The following ULK1 variants were observed in gnomAD, a reference collection of about 807,000 sequenced individuals.
ULK1 encodes unc-51 like autophagy activating kinase 1.
Under a neutral mutation model 117.5 loss-of-function variants are expected in ULK1, and 48 were observed. The ratio of observed to expected loss-of-function variants is 0.41; its 90% confidence interval spans 0.32 to 0.52. ULK1 has a LOEUF of 0.52. Ranked by LOEUF, ULK1 falls within the 20% of genes least tolerant of loss-of-function variation. ULK1 has a pLI of 0.29. For synonymous variants in ULK1, 790 were observed against 637.8 expected (o/e 1.24, Z -3.60); for missense variants, 1,387 against 1,473.4 (o/e 0.94, Z 0.96).
intron 19 of ULK1, 58 bp from the exon 20 acceptor site, chr12:131,916,340 C>A: frequency 2.0e-6 from 3 of 1,524,708 alleles, no homozygotes; most frequent in Non-Finnish European, 2.6e-6. Context: ...TCCCCAGGCA[C>A]CGGGCCCCAG....
At chr12:131,917,633 C>T (rs1247688776) in intron 22 of ULK1, 79 bp downstream of exon 22, 6 of 1,275,686 alleles carry the variant, frequency 4.7e-6, no homozygotes, top group Non-Finnish European at 6.0e-6. Context: ...TCCTTTAACT[C>T]GGGTCACTGG....
intron 22 of ULK1, chr12:131,918,168 C>T: frequency 2.3e-6 from 1 of 428,764 alleles, no homozygotes; most frequent in Non-Finnish European, 4.2e-6. Flanking sequence ...CCAAGCCACG[C>T]ACCTACCCCA....
rs756408897 is a variant in ULK1, at chr12:131,909,901, A to C, written c.726-18A>C. On this transcript the variant is annotated intron_variant, in intron 9 of 27. Coordinates refer to ENST00000321867, the MANE Select transcript of ULK1 (RefSeq NM_003565.4). ...CGGCCCCGCAGGCCCTGCTCACACC[A>C]GCCTCCTCTTGCCCCAGCATCCCCC... 1 of 1,611,294 alleles carries C rather than the reference A, an allele frequency of 6.2e-7. No individual in the cohort carries two copies. Among genetic ancestry groups the C allele is most frequent in the South Asian group, 1.1e-5 (1 of 90,972 alleles).
chr12:131,918,251 G>T, intron 22 of ULK1: 1 of 567,876 alleles, frequency 1.8e-6, no homozygotes, highest in Non-Finnish European at 3.1e-6. Flanking sequence ...AGGGTCCCTT[G>T]GTGGGCACCG....
At position 131,916,316 on chromosome 12, in the gene ULK1, C is replaced by T. The variant is rs764828596; in HGVS notation, c.1879-82C>T. The T allele has an allele frequency of 4.3e-4, 656 of 1,514,802 alleles. 1 individual carries two copies. Among genetic ancestry groups the T allele is most frequent in the African/African-American group, 1.0e-3 (73 of 71,756 alleles). The allele number at this position is 1,514,802 out of a possible 1,614,324, so 93.8% of individuals were successfully genotyped here. A position where few individuals can be genotyped will look rare whatever the true frequency, so the allele number is the denominator to read the frequency against. ...GCTCCCACATGCCTGCCAGTTCCTGCGGACTCGGCCCCTTCCCCAGGCACC... is the reference window on the plus strand; with the variant it reads ...GCTCCCACATGCCTGCCAGTTCCTGTGGACTCGGCCCCTTCCCCAGGCACC... On this transcript the variant is annotated intron_variant, in intron 19 of 27. Coordinates refer to ENST00000321867, the MANE Select transcript of ULK1 (RefSeq NM_003565.4).
In ULK1 at chr12:131,917,404, C is replaced by T. The variant is rs368391245; in HGVS notation, c.2183-7C>T. On this transcript the variant is annotated splice_polypyrimidine_tract_variant and splice_region_variant and intron_variant, in intron 21 of 27. Transcript: ENST00000321867. The stretch of plus-strand genomic sequence containing the variant: ...GGATGCTCCTGAGCCCTTCCTTGCT[C>T]TCCCAGCACCCTCAGCTGGCTTTGG... 1.3e-6 allele frequency: 2 copies of T among 1,499,180 alleles called. No individual in the cohort carries two copies. The highest frequency in any genetic ancestry group is 1.4e-5 in the African/African-American group (1 of 70,210). 92.9% of individuals were successfully genotyped at this position (1,499,180 alleles called of 1,614,324 possible). A position where few individuals can be genotyped will look rare whatever the true frequency, so the allele number is the denominator to read the frequency against.
Position 131,895,118 on chromosome 12 carries a change from G to T in ULK1, c.111+6G>T, listed in dbSNP as rs764645845. 1 of 1,526,784 alleles carries T rather than the reference G, an allele frequency of 6.5e-7. No individual in the cohort carries two copies. 94.6% of individuals were successfully genotyped at this position (1,526,784 alleles called of 1,614,324 possible). On this transcript the variant is annotated splice_donor_region_variant and intron_variant, in intron 1 of 27. Coordinates refer to ENST00000321867, the MANE Select transcript of ULK1 (RefSeq NM_003565.4). Reference sequence around the variant, plus strand: ...TCAAGGGCCGCCACCGCGAGGTGAGGCCCCCGTCCGGCCCGGGATCCCCCG... The same window carrying T: ...TCAAGGGCCGCCACCGCGAGGTGAGTCCCCCGTCCGGCCCGGGATCCCCCG...
intron 3 of ULK1, among the ~76,000 whole-genome samples, chr12:131,906,143 G>T (rs548972686): frequency 1.3e-5 from 2 of 152,268 alleles, no homozygotes; most frequent in East Asian, 3.9e-4. Flanking sequence ...GCCCAGGCTG[G>T]AGTGCAGTGG....
In ULK1 at chr12:131,914,370, C is replaced by G. The variant is rs145710836; in HGVS notation, c.1266C>G (p.Ser422=). ...ACCACAGCCGGGCTGGCCCGTTCTC[C>G]AGCAGCAGGTGCGGCGCCTCTGTCC... ...PSPSGRAGPF[S]SSRCGASVPI... The change falls in exon 16 of 28, where the codon TCC becomes TCG. Residue 422 remains serine (S), a synonymous_variant. Transcript: ENST00000321867. 1 of 1,611,816 alleles carries G rather than the reference C, an allele frequency of 6.2e-7. No individual in the cohort carries two copies.
chr12:131,918,137 G>T (rs925118745), intron 22 of ULK1, among the ~76,000 whole-genome samples: 1 of 152,192 alleles, frequency 6.6e-6, no homozygotes, highest in Non-Finnish European at 1.5e-5. Context: ...CTTGGGCCCA[G>T]CTGTGGGGCA....
At chr12:131,895,862 TG>T (rs1740994581) in intron 3 of ULK1, 38 bp downstream of exon 3, 7 of 1,612,666 alleles carry the variant, frequency 4.3e-6, no homozygotes, top group Non-Finnish European at 5.9e-6. Flanking sequence ...GGGACCGGGC[TG>T]GGGGACTGTG....
Position 131,916,574 on chromosome 12 carries a change from C to T in ULK1, c.2055C>T (p.Pro685=), listed in dbSNP as rs763921714. The change falls in exon 20 of 28, where the codon CCC becomes CCT. Residue 685 remains proline, a synonymous_variant. Transcript: ENST00000321867. ...LGPGLRPGED[P]KGPFGRSFST... is the part of the protein sequence containing the mutation. ...CTGGCCTGCGGCCAGGCGAGGACCCCAAGGGCCCCTTTGGCCGGTGAGTTG... is the reference window on the plus strand; with the variant it reads ...CTGGCCTGCGGCCAGGCGAGGACCCTAAGGGCCCCTTTGGCCGGTGAGTTG... 6.3e-7 allele frequency: 1 copy of T among 1,584,866 alleles called. No individual in the cohort carries two copies. Among genetic ancestry groups the T allele is most frequent in the Non-Finnish European group, 8.5e-7 (1 of 1,171,180 alleles).
rs569526446 is a variant in ULK1 at position 131,917,452 on chromosome 12, C to G, written c.2224C>G (p.Arg742Gly). The change falls in exon 22 of 28, where the codon CGT becomes GGT. Residue 742 changes from arginine to glycine, a missense_variant. Physicochemically the swap from Arg to Gly is moderately radical, Grantham distance 125. Around this residue, in one of 4 missense-constraint regions of ULK1, gnomAD observed 900 missense variants for 858.9 expected, o/e 1.05. Transcript: ENST00000321867. The stretch of plus-strand genomic sequence containing the variant: ...TGGAGGGAGCCTGCACCCAGGAGCC[C>G]GTGCTGGGGGCACCAGCAGCCCTTC... Reference protein sequence around the residue: ...GFGGSLHPGARAGGTSSPSPV... With the variant: ...GFGGSLHPGAGAGGTSSPSPV... 10 of 1,531,394 alleles carry G rather than the reference C, an allele frequency of 6.5e-6. No individual in the cohort carries two copies. The highest frequency in any genetic ancestry group is 6.1e-5 in the South Asian group (5 of 81,648). The allele number at this position is 1,531,394 out of a possible 1,614,324, so 94.9% of individuals were successfully genotyped here.
chr12:131,922,320 C>T lies in ULK1; in HGVS notation c.*959C>T, dbSNP rs760757302. 3.1e-5 allele frequency: 10 copies of T among 323,686 alleles called. No homozygotes were observed. Among genetic ancestry groups the T allele is most frequent in the Non-Finnish European group, 3.1e-5 (5 of 163,352 alleles). 20.1% of individuals were successfully genotyped at this position (323,686 alleles called of 1,614,324 possible). A position where few individuals can be genotyped will look rare whatever the true frequency, so the allele number is the denominator to read the frequency against. On this transcript the variant is annotated 3_prime_UTR_variant, in exon 28 of 28. Coordinates refer to ENST00000321867, the MANE Select transcript of ULK1 (RefSeq NM_003565.4). ...ACCTGTGTTGGTGGCTGTCCCCTGC[C>T]GCCCCTCCCTGTGGCAGCAGCAGGA...
At chr12:131,919,669 C>A in intron 25 of ULK1, 79 bp downstream of exon 25, 1 of 1,480,144 alleles carries the variant, frequency 6.8e-7, no homozygotes, top group South Asian at 1.2e-5. Flanking sequence ...GACAGGGTAA[C>A]AGGGAGGCTG....
At chr12:131,898,414 C>T (rs1294451449) in intron 3 of ULK1, among the ~76,000 whole-genome samples, 1 of 152,186 alleles carries the variant, frequency 6.6e-6, no homozygotes, top group Non-Finnish European at 1.5e-5. Context: ...AAGCATGTGT[C>T]TCCCTAGGTC....
In ULK1 at chr12:131,895,102, G is replaced by A; in HGVS notation, c.101G>A (p.Arg34His). The change falls in exon 1 of 28, where the codon CGC (arginine) becomes CAC (histidine). Residue 34 changes from arginine (R) to histidine (H), a missense_variant. Physicochemically the swap from Arg to His is conservative, Grantham distance 29 (BLOSUM62 0). Coordinates refer to ENST00000321867, the MANE Select transcript of ULK1 (RefSeq NM_003565.4). ...GCCTTCGCGGTGGTCTTCAAGGGCC[G>A]CCACCGCGAGGTGAGGCCCCCGTCC... Reference protein sequence around the residue: ...HGAFAVVFKGRHREKHDLEVA... With the variant: ...HGAFAVVFKGHHREKHDLEVA... 4 of 1,555,612 alleles carry A rather than the reference G, an allele frequency of 2.6e-6. No individual in the cohort carries two copies. Among genetic ancestry groups the A allele is most frequent in the Non-Finnish European group, 3.4e-6 (4 of 1,159,590 alleles).
intron 20 of ULK1, 70 bp from the exon 21 acceptor site, chr12:131,916,883 A>C: frequency 5.0e-6 from 6 of 1,188,572 alleles, no homozygotes; most frequent in Non-Finnish European, 5.7e-6. Context: ...TGGCCTGCAG[A>C]GGGACCTCTC....
At position 131,916,850 on chromosome 12, in the gene ULK1, G is replaced by C; in HGVS notation, c.2073-103G>C. 3 of 1,152,272 alleles carry C rather than the reference G, an allele frequency of 2.6e-6. No individual in the cohort carries two copies. The African/African-American group carries it at 4.6e-5, about 18-fold the overall frequency. 71.4% of individuals were successfully genotyped at this position (1,152,272 alleles called of 1,614,324 possible). A position where few individuals can be genotyped will look rare whatever the true frequency, so the allele number is the denominator to read the frequency against. On this transcript the variant is annotated intron_variant, in intron 20 of 27. Coordinates refer to ENST00000321867, the MANE Select transcript of ULK1 (RefSeq NM_003565.4). Reference sequence around the variant, plus strand: ...AGCGCCTGCCTCTCGAGGTGGGCCAGGAGACCGTGCATCATGTGTGTCTGG... The same window carrying C: ...AGCGCCTGCCTCTCGAGGTGGGCCACGAGACCGTGCATCATGTGTGTCTGG...
Sources: allele counts gnomAD v4.1 joint callset (sites outside exome capture counted in the v4.1 genomes callset), GRCh38; gene constraint gnomAD v4.1.1; regional missense constraint gnomAD v4.1.1; transcripts MANE v1.5; gene names NCBI Gene and HGNC (gene_info 2026-07-23, HGNC 2026-07-21).